The following ERC2 variants were observed in gnomAD, a reference collection of about 807,000 sequenced individuals.
ERC2 encodes the protein ELKS/RAB6-interacting/CAST family member 2, also known as ERC protein 2.
ERC2 carries 42 observed loss-of-function variants against 114.8 expected under a neutral mutation model. The ratio of observed to expected loss-of-function variants is 0.37; its 90% CI spans 0.29 to 0.47. ERC2 has a LOEUF of 0.47. ERC2 is among the 20% of genes least tolerant of loss of function. The probability of loss-of-function intolerance (pLI) is 0.99; values close to 1 mark genes in which losing one functional copy is unlikely to be tolerated. For synonymous variants in ERC2, 454 were observed against 425.5 expected, an observed-to-expected ratio of 1.07 and a Z score of -0.82; for missense variants, 939 against 1,150.7, an observed-to-expected ratio of 0.82 and a Z score of 2.66.
intron 2 of ERC2, among the ~76,000 whole-genome samples, chr3:56,411,527 C>T (rs2060940591): frequency 6.6e-6 from 1 of 152,074 alleles, no homozygotes; most frequent in Non-Finnish European, 1.5e-5. Context: ...AGTTTAAATG[C>T]ATCCCTCACA....
intron 2 of ERC2, among the ~76,000 whole-genome samples, chr3:56,405,606 T>G (rs1466174196): frequency 1.3e-5 from 2 of 150,946 alleles, no homozygotes; most frequent in African/African-American, 4.9e-5. Context: ...ATAGCATAGA[T>G]AGATGGATAG....
intron 6 of ERC2, among the ~76,000 whole-genome samples, chr3:56,106,970 G>C (rs2149817404): frequency 6.6e-6 from 1 of 152,254 alleles, no homozygotes; most frequent in East Asian, 1.9e-4. Flanking sequence ...TCAGGTGTTA[G>C]GCCCAGCCAA....
In ERC2 at chr3:56,434,738, T is replaced by C. The variant is rs771383970; in HGVS notation, c.270A>G (p.Val90=). The change falls in exon 2 of 18, where the codon GTA becomes GTG. Residue 90 remains valine, a synonymous_variant. Coordinates refer to ENST00000288221, the MANE Select transcript of ERC2 (RefSeq NM_015576.3). ...CCATGGCTGTGACACGGCCTCCATA[T>C]ACAGCTCGATTTGTAGCCCTTCCCA... The part of the protein sequence containing the change: ...MTLGRATNRA[V]YGGRVTAMGS... 121 of 1,614,012 alleles carry C rather than the reference T, an allele frequency of 7.5e-5. 1 individual carries two copies. In the East Asian group the frequency reaches 2.4e-3, roughly 32 times the overall value.
chr3:55,818,016 T>TCAG (rs2059971711), intron 14 of ERC2, among the ~76,000 whole-genome samples: 1 of 152,198 alleles, frequency 6.6e-6, no homozygotes, highest in Non-Finnish European at 1.5e-5. Context: ...TGACTGCTTG[T>TCAG]CAGCACCTCT....
At chr3:55,840,003 A>G (rs752332725) in intron 14 of ERC2, among the ~76,000 whole-genome samples, 2 of 152,064 alleles carry the variant, frequency 1.3e-5, no homozygotes, top group Non-Finnish European at 2.9e-5. Flanking sequence ...AAAAATAAAT[A>G]TACTAACACT....
At chr3:55,614,788 C>T (rs1013961457) in intron 17 of ERC2, among the ~76,000 whole-genome samples, 4 of 152,152 alleles carry the variant, frequency 2.6e-5, no homozygotes, top group African/African-American at 4.8e-5. Context: ...GGGGAAAAAA[C>T]GTTGAGTGAC....
intron 14 of ERC2, among the ~76,000 whole-genome samples, chr3:55,846,479 G>A (rs967463297): frequency 6.6e-6 from 1 of 152,072 alleles, no homozygotes; most frequent in African/African-American, 2.4e-5. Context: ...TGCCTCTATG[G>A]TAGAAAGATT....
chr3:56,249,427 G>A (rs151152894), intron 3 of ERC2, among the ~76,000 whole-genome samples: 4,421 of 151,872 alleles, frequency 0.029, 84 homozygotes, highest in Middle Eastern at 0.065. Flanking sequence ...CCGGGTTCAC[G>A]CCATTCTCCT....
intron 17 of ERC2, among the ~76,000 whole-genome samples, chr3:55,599,792 T>C (rs2058316642): frequency 6.6e-6 from 1 of 152,238 alleles, no homozygotes; most frequent in Admixed American, 6.5e-5. Context: ...TTATTTATTT[T>C]CACCTCAAGG....
chr3:56,430,411 A>G (rs1312363234), intron 2 of ERC2, among the ~76,000 whole-genome samples: 1 of 152,264 alleles, frequency 6.6e-6, no homozygotes, highest in African/African-American at 2.4e-5. Context: ...GGCCAGGTAC[A>G]GTGGCTCACG....
At chr3:56,431,511 A>G (rs2061787891) in intron 2 of ERC2, among the ~76,000 whole-genome samples, 1 of 152,200 alleles carries the variant, frequency 6.6e-6, no homozygotes, top group Non-Finnish European at 1.5e-5. Flanking sequence ...GAGTCACCTG[A>G]CCTGCTTCTT....
At chr3:55,761,634 A>C (rs960254740) in intron 14 of ERC2, among the ~76,000 whole-genome samples, 1 of 152,136 alleles carries the variant, frequency 6.6e-6, no homozygotes, top group Admixed American at 6.5e-5. Context: ...TCCCCACCCA[A>C]ATCTCATCTA....
intron 6 of ERC2, among the ~76,000 whole-genome samples, chr3:56,103,373 C>T (rs17056436): frequency 0.015 from 2,323 of 152,138 alleles, 57 homozygotes; most frequent in African/African-American, 0.051. Flanking sequence ...AATATGCCCG[C>T]GAGAAGAAGC....
At chr3:56,201,363 T>C (rs1463995491) in intron 3 of ERC2, among the ~76,000 whole-genome samples, 1 of 152,226 alleles carries the variant, frequency 6.6e-6, no homozygotes, top group African/African-American at 2.4e-5. Flanking sequence ...TTATAAAACA[T>C]ATGATGGAGC....
At chr3:55,553,982 T>G (rs1199332032) in intron 17 of ERC2, among the ~76,000 whole-genome samples, 1 of 152,246 alleles carries the variant, frequency 6.6e-6, no homozygotes, top group Non-Finnish European at 1.5e-5. Context: ...TTTTCCATAG[T>G]GAATTATGGA....
intron 3 of ERC2, among the ~76,000 whole-genome samples, chr3:56,199,339 G>A (rs2150090262): frequency 6.6e-6 from 1 of 152,286 alleles, no homozygotes; most frequent in South Asian, 2.1e-4. Context: ...CTGGATTCTA[G>A]ACAAAGGCAA....
intron 3 of ERC2, among the ~76,000 whole-genome samples, chr3:56,175,829 A>T (rs2082946783): frequency 6.6e-6 from 1 of 152,180 alleles, no homozygotes; most frequent in Admixed American, 6.5e-5. Context: ...GGAAATTATG[A>T]GTTTTTAATA....
At chr3:55,808,704 TATA>T (rs2059587119) in intron 14 of ERC2, among the ~76,000 whole-genome samples, 11 of 20,926 alleles carry the variant, frequency 5.3e-4, no homozygotes, top group East Asian at 1.4e-3. Flanking sequence ...CATAATTTTA[TATA>T]TATATATATA....
intron 2 of ERC2, among the ~76,000 whole-genome samples, chr3:56,352,050 A>G (rs1455137190): frequency 3.3e-5 from 5 of 152,308 alleles, no homozygotes; most frequent in Middle Eastern, 3.4e-3. Flanking sequence ...ATTACCAGGG[A>G]CAGGGTTTTG....
Sources: allele counts gnomAD v4.1 joint callset (sites outside exome capture counted in the v4.1 genomes callset), GRCh38; gene constraint gnomAD v4.1.1; transcripts MANE v1.5; gene names NCBI Gene and HGNC (gene_info 2026-07-23, HGNC 2026-07-21).